The following PCSK5 variants were observed in gnomAD, a reference collection of about 807,000 sequenced individuals.
PCSK5 encodes prohormone convertase 5.
In PCSK5, 129 loss-of-function variants were observed where a neutral mutation model predicts 233.2. That is an observed-to-expected ratio of 0.55 (90% CI 0.48 to 0.64). The LOEUF (loss-of-function observed/expected upper bound fraction) is 0.64. PCSK5 is among the 30% of genes least tolerant of loss of function. The pLI, the probability that PCSK5 is intolerant of heterozygous loss-of-function variation, is 0.00. For missense variants in PCSK5, 2,076 were observed against 2,430.1 expected (o/e 0.85, Z 3.06); for synonymous variants, 825 against 879.2 (o/e 0.94, Z 1.09).
rs565005123 is a variant in PCSK5, at chr9:76,174,790, G to A, written c.1757-196G>A. On this transcript the variant is annotated intron_variant, in intron 13 of 37. Transcript: ENST00000674117. ...CTGGTAGTACATGCTCAGTCAATAT[G>A]TGGTATGTGAATTATTAAATAATTC... Among the ~76,000 whole-genome samples the A allele has an allele frequency of 7.5e-4, 114 of 152,272 alleles. No individual in the cohort carries two copies. The South Asian group carries it at 0.012, about 16-fold the overall frequency.
chr9:76,148,490 A>G (rs1481981717), intron 10 of PCSK5, among the ~76,000 whole-genome samples: 1 of 152,002 alleles, frequency 6.6e-6, no homozygotes, highest in African/African-American at 2.4e-5. Context: ...CGTCTTCAAC[A>G]TTGACTTCAT....
chr9:76,198,895 G>T (rs909271735), intron 20 of PCSK5, among the ~76,000 whole-genome samples: 1 of 152,180 alleles, frequency 6.6e-6, no homozygotes, highest in African/African-American at 2.4e-5. Flanking sequence ...CACTAATCAC[G>T]TGCTAAGGTT....
At chr9:76,049,885 G>A (rs2131554118) in intron 5 of PCSK5, among the ~76,000 whole-genome samples, 1 of 152,080 alleles carries the variant, frequency 6.6e-6, no homozygotes, top group East Asian at 1.9e-4. Flanking sequence ...AGTATTTTTG[G>A]CCTATTTAAC....
chr9:76,067,920 T>C lies in PCSK5; in HGVS notation c.633-35T>C, dbSNP rs749188398. 13 of 1,546,574 alleles carry C rather than the reference T, an allele frequency of 8.4e-6. No individual in the cohort carries two copies. In the East Asian group the frequency reaches 2.2e-4, roughly 27 times the overall value. On this transcript the variant is annotated intron_variant, in intron 5 of 37. Transcript: ENST00000674117. ...GCGTTGGCTTTGTGAGAATGGTGTG[T>C]CTTACTTGAGAAAGTGTGTGTGTTC...
rs10552673 is a variant in PCSK5 at position 76,302,959 on chromosome 9, C to CTTTTTTTTTTTTTTTTTTTTTTTTTTTT, written c.3604+766_3604+767insTTTTTTTTTTTTTTTTTTTTTTTTTTTT. On this transcript the variant is annotated intron_variant, in intron 28 of 37. Transcript: ENST00000674117. Reference sequence around the variant, plus strand: ...CTGCACTTTCTGGGTCAAAGTGGTTCTTTTTTTTTTTTTTTTTTTTTTTTG... The same window carrying CTTTTTTTTTTTTTTTTTTTTTTTTTTTT: ...CTGCACTTTCTGGGTCAAAGTGGTTCTTTTTTTTTTTTTTTTTTTTTTTTTTTTTTTTTTTTTTTTTTTTTTTTTTTTG... 3.4e-5 allele frequency among the ~76,000 whole-genome samples: 3 copies of CTTTTTTTTTTTTTTTTTTTTTTTTTTTT among 87,492 alleles called. 1 individual carries two copies. The highest frequency in any genetic ancestry group is 4.2e-5 in the African/African-American group (1 of 23,908). The allele number at this position is 87,492 out of a possible 152,430, so 57.4% of individuals were successfully genotyped here.
chr9:76,122,328 C>A (rs993919853), intron 9 of PCSK5, among the ~76,000 whole-genome samples: 2 of 151,670 alleles, frequency 1.3e-5, no homozygotes, highest in Non-Finnish European at 2.9e-5. Flanking sequence ...AATCATGGTT[C>A]ATTTATCTTT....
chr9:76,168,918 T>C (rs1187081455), intron 12 of PCSK5, among the ~76,000 whole-genome samples: 1 of 152,190 alleles, frequency 6.6e-6, no homozygotes, highest in Non-Finnish European at 1.5e-5. Flanking sequence ...TTACGTATAA[T>C]TTTGCCTTTT....
intron 2 of PCSK5, among the ~76,000 whole-genome samples, chr9:75,957,965 T>C (rs1431388936): frequency 6.6e-6 from 1 of 152,164 alleles, no homozygotes; most frequent in Non-Finnish European, 1.5e-5. Flanking sequence ...TGGATCCTCC[T>C]TTCTTACCTG....
chr9:76,269,280 C>T (rs1827432057), intron 24 of PCSK5, among the ~76,000 whole-genome samples: 1 of 152,232 alleles, frequency 6.6e-6, no homozygotes, highest in African/African-American at 2.4e-5. Context: ...ACTCTCAAGT[C>T]TCTCCTTCCC....
chr9:75,891,101 G>A lies in PCSK5; in HGVS notation c.-81G>A. The A allele has an allele frequency of 8.9e-7, 1 of 1,128,606 alleles. No homozygotes were observed. The highest frequency in any genetic ancestry group is 1.2e-6 in the Non-Finnish European group (1 of 862,438). 69.9% of individuals were successfully genotyped at this position (1,128,606 alleles called of 1,614,324 possible). A position where few individuals can be genotyped will look rare whatever the true frequency, so the allele number is the denominator to read the frequency against. On this transcript the variant is annotated 5_prime_UTR_variant, in exon 1 of 38. Coordinates refer to ENST00000674117, the MANE Select transcript of PCSK5 (RefSeq NM_001372043.1). ...GGCCCGGGGCTGCTCGCCGGGCGGC[G>A]CAGGCCGGAGAAGTTAGTTGTGCGC...
chr9:76,166,844 CTCTG>C lies in PCSK5; in HGVS notation c.1620-2858_1620-2855del, dbSNP rs1233658265. Among the ~76,000 whole-genome samples, 3 of 152,198 alleles carry C rather than the reference CTCTG, an allele frequency of 2.0e-5. No individual in the cohort carries two copies. In the East Asian group the frequency reaches 5.8e-4, roughly 29 times the overall value. On this transcript the variant is annotated intron_variant, in intron 12 of 37. Coordinates refer to ENST00000674117, the MANE Select transcript of PCSK5 (RefSeq NM_001372043.1). The stretch of plus-strand genomic sequence containing the variant: ...CAACATATTCCCTTTAACAACATCT[CTCTG>C]TTAGAAAGGGCAGTTTGAAAAAGCT...
chr9:75,939,715 A>G (rs925376249), intron 2 of PCSK5, among the ~76,000 whole-genome samples: 3 of 152,244 alleles, frequency 2.0e-5, no homozygotes, highest in African/African-American at 7.2e-5. Context: ...CCCATGCGCT[A>G]TGCATATGTG....
At chr9:76,039,712 G>T (rs2131526333) in intron 5 of PCSK5, among the ~76,000 whole-genome samples, 1 of 152,292 alleles carries the variant, frequency 6.6e-6, no homozygotes, top group African/African-American at 2.4e-5. Flanking sequence ...CACAAGAACT[G>T]CTTCTTTGGT....
In PCSK5 at chr9:76,323,932, A is replaced by ATTTTTTTT. The variant is rs60451634; in HGVS notation, c.4339+653_4339+660dup. On this transcript the variant is annotated intron_variant, in intron 32 of 37. Transcript: ENST00000674117. ...TGCCTCTTGTCTCCCTTCCTGGGTG[A>ATTTTTTTT]TTTTTTTTTTTTTTTTGAGACAGAG... is the stretch of plus-strand genomic sequence containing the variant. 1.9e-4 allele frequency among the ~76,000 whole-genome samples: 27 copies of ATTTTTTTT among 139,388 alleles called. 4 individuals carry two copies. Among genetic ancestry groups the ATTTTTTTT allele is most frequent in the Non-Finnish European group, 1.5e-4 (10 of 65,096 alleles). The allele number at this position is 139,388 out of a possible 152,430, so 91.4% of individuals were successfully genotyped here.
At chr9:76,164,938 A>G (rs922023538) in intron 12 of PCSK5, among the ~76,000 whole-genome samples, 1 of 145,920 alleles carries the variant, frequency 6.9e-6, no homozygotes, top group African/African-American at 2.5e-5. Flanking sequence ...AAGGTTTTTT[A>G]CCAAAAAAAA....
chr9:76,355,232 C>A (rs891835105), intron 37 of PCSK5, among the ~76,000 whole-genome samples: 2 of 152,032 alleles, frequency 1.3e-5, no homozygotes, highest in Non-Finnish European at 2.9e-5. Context: ...CAGCACTTTG[C>A]GGAGCCAAGG....
intron 1 of PCSK5, among the ~76,000 whole-genome samples, chr9:75,899,847 G>A (rs896972477): frequency 2.0e-5 from 3 of 152,150 alleles, no homozygotes; most frequent in African/African-American, 7.2e-5. Context: ...AGGGAGCGAG[G>A]GAGAACGGGA....
chr9:75,932,447 C>T lies in PCSK5; in HGVS notation c.261C>T (p.Ser87=). The change falls in exon 2 of 38, where the codon AGC becomes AGT. Residue 87 remains serine, a synonymous_variant. Coordinates refer to ENST00000674117, the MANE Select transcript of PCSK5 (RefSeq NM_001372043.1). ...CGATTAAAAGGTCAGTTATCTCGAGCAGAGGGACCCACAGTTTCATTTCAA... is the reference window on the plus strand; with the variant it reads ...CGATTAAAAGGTCAGTTATCTCGAGTAGAGGGACCCACAGTTTCATTTCAA... ...SRTIKRSVIS[S]RGTHSFISME... The T allele has an allele frequency of 6.2e-7, 1 of 1,612,524 alleles. No homozygotes were observed. The highest frequency in any genetic ancestry group is 1.1e-5 in the South Asian group (1 of 91,038).
Position 76,238,952 on chromosome 9 carries a change from T to G in PCSK5, c.2867-7T>G. ...TCCCTCTTTTCGTTGCCCCTGTAAC[T>G]GATCAGACAACTATGGCCGAGAGCA... is the stretch of plus-strand genomic sequence containing the variant. On this transcript the variant is annotated splice_region_variant and splice_polypyrimidine_tract_variant and intron_variant, in intron 22 of 37. Transcript: ENST00000674117. 1 of 1,608,558 alleles carries G rather than the reference T, an allele frequency of 6.2e-7. No individual in the cohort carries two copies. The highest frequency in any genetic ancestry group is 2.2e-5 in the East Asian group (1 of 44,822).
Sources: gnomAD v4.1 joint callset for allele counts (sites outside exome capture counted in the v4.1 genomes callset) on GRCh38, gnomAD v4.1.1 for gene constraint, MANE v1.5 for transcripts, NCBI Gene and HGNC (gene_info 2026-07-23, HGNC 2026-07-21) for gene names.